The following OTUD7A variants were observed in gnomAD, a reference collection of about 807,000 sequenced individuals.
OTUD7A encodes the protein OTU domain-containing protein 7A.
In OTUD7A, 12 loss-of-function variants were observed where a neutral mutation model predicts 65.7. The observed-to-expected ratio is 0.18, with a 90% confidence interval of 0.12 to 0.30. The LOEUF (loss-of-function observed/expected upper bound fraction) is 0.30. Among genes scored for constraint, OTUD7A ranks in the 10% least tolerant of loss-of-function variants. The pLI is 1.00. For synonymous variants in OTUD7A, 641 were observed against 586.3 expected (o/e 1.09, Z -1.35); for missense variants, 1,148 against 1,304.8 (o/e 0.88, Z 1.85).
At chr15:31,604,555 G>GCACATTCTT (rs1176798235) in intron 3 of OTUD7A, among the ~76,000 whole-genome samples, 1 of 94,348 alleles carries the variant, frequency 1.1e-5, no homozygotes, top group Non-Finnish European at 2.3e-5. Context: ...TAACACAACT[G>GCACATTCTT]CACATTCTGC....
chr15:31,658,690 G>C (rs1566963947), intron 1 of OTUD7A, among the ~76,000 whole-genome samples: 5 of 152,096 alleles, frequency 3.3e-5, no homozygotes, highest in Non-Finnish European at 7.4e-5. Flanking sequence ...AGACAGAGGT[G>C]TAGCAGGATA....
At chr15:31,506,086 A>C (rs2041560342) in intron 8 of OTUD7A, among the ~76,000 whole-genome samples, 1 of 152,082 alleles carries the variant, frequency 6.6e-6, no homozygotes, top group South Asian at 2.1e-4. Context: ...ATTTTAGAAA[A>C]AGGGTTATTT....
At chr15:31,773,585 T>C (rs867162687) in intron 1 of OTUD7A, among the ~76,000 whole-genome samples, 2 of 152,320 alleles carry the variant, frequency 1.3e-5, no homozygotes, top group Middle Eastern at 3.4e-3. Context: ...GATTTCAACA[T>C]ATGAATTTGG....
At chr15:31,623,008 T>C (rs767009316) in intron 3 of OTUD7A, among the ~76,000 whole-genome samples, 6 of 152,242 alleles carry the variant, frequency 3.9e-5, no homozygotes, top group Non-Finnish European at 7.3e-5. Context: ...TGCAGGTCTG[T>C]TGGAGTTTGC....
intron 3 of OTUD7A, among the ~76,000 whole-genome samples, chr15:31,580,926 C>G (rs921272765): frequency 1.3e-5 from 2 of 152,196 alleles, no homozygotes; most frequent in Non-Finnish European, 2.9e-5. Context: ...CCCTTCCCAA[C>G]AGTCCCCCAA....
intron 3 of OTUD7A, among the ~76,000 whole-genome samples, chr15:31,648,202 A>G (rs568256270): frequency 1.3e-5 from 2 of 152,224 alleles, no homozygotes; most frequent in Non-Finnish European, 2.9e-5. Context: ...GCCCCCAAGC[A>G]TGGAAATAAA....
intron 5 of OTUD7A, among the ~76,000 whole-genome samples, chr15:31,541,301 A>G (rs1887980279): frequency 6.6e-6 from 1 of 152,254 alleles, no homozygotes; most frequent in Non-Finnish European, 1.5e-5. Flanking sequence ...CTAATGAACC[A>G]AAGAAAGCAA....
At chr15:31,800,820 G>A (rs1896102267) in intron 1 of OTUD7A, among the ~76,000 whole-genome samples, 1 of 152,098 alleles carries the variant, frequency 6.6e-6, no homozygotes, top group Non-Finnish European at 1.5e-5. Flanking sequence ...GTGGATGGCT[G>A]TGTGCTTTGC....
chr15:31,688,214 C>A (rs372830497), intron 1 of OTUD7A, among the ~76,000 whole-genome samples: 194 of 134,208 alleles, frequency 1.4e-3, no homozygotes, highest in Middle Eastern at 3.9e-3. Context: ...GACTCCATCT[C>A]AAAAAAAAAA....
intron 1 of OTUD7A, among the ~76,000 whole-genome samples, chr15:31,777,304 C>T (rs1280888489): frequency 1.3e-5 from 2 of 152,218 alleles, no homozygotes; most frequent in South Asian, 2.1e-4. Context: ...ACTTCCCAAT[C>T]CCATCACCTT....
intron 1 of OTUD7A, among the ~76,000 whole-genome samples, chr15:31,845,243 G>A (rs1046324613): frequency 9.9e-5 from 15 of 152,186 alleles, no homozygotes; most frequent in African/African-American, 3.6e-4. Context: ...ACATAAACCT[G>A]TTTCCCTCAT....
At chr15:31,703,698 C>T (rs1431267399) in intron 1 of OTUD7A, among the ~76,000 whole-genome samples, 1 of 151,518 alleles carries the variant, frequency 6.6e-6, no homozygotes, top group African/African-American at 2.4e-5. Flanking sequence ...TGCAACCCAG[C>T]AACTGGATTC....
rs59869625 is a variant in OTUD7A at position 31,860,622 on chromosome 15, G to GATAAATATAT, written c.-100+9884_-100+9885insATATATTTAT. The stretch of plus-strand genomic sequence containing the variant: ...TATTCTCCTCGACCCCAGAAGTGGA[G>GATAAATATAT]ATATATATATATATATATATATGTA... On this transcript the variant is annotated intron_variant, in intron 1 of 12. Transcript: ENST00000307050. Among the ~76,000 whole-genome samples the GATAAATATAT allele has an allele frequency of 4.2e-3, 113 of 26,860 alleles. 8 individuals carry two copies. Among genetic ancestry groups the GATAAATATAT allele is most frequent in the African/African-American group, 7.5e-3 (90 of 12,032 alleles). 17.6% of individuals were successfully genotyped at this position (26,860 alleles called of 152,430 possible).
chr15:31,618,437 T>C (rs369788219), intron 3 of OTUD7A, among the ~76,000 whole-genome samples: 6 of 152,194 alleles, frequency 3.9e-5, no homozygotes, highest in African/African-American at 9.7e-5. Flanking sequence ...CTCTCCAGCA[T>C]CTGTTGTTTC....
At chr15:31,552,519 T>G (rs568841801) in intron 5 of OTUD7A, among the ~76,000 whole-genome samples, 2 of 152,366 alleles carry the variant, frequency 1.3e-5, no homozygotes, top group African/African-American at 4.8e-5. Context: ...ATGCTGAGTA[T>G]GCATCCAGCC....
intron 1 of OTUD7A, among the ~76,000 whole-genome samples, chr15:31,742,580 A>G (rs1455733035): frequency 6.6e-6 from 1 of 152,142 alleles, no homozygotes; most frequent in Non-Finnish European, 1.5e-5. Context: ...TACCACAGAA[A>G]AATAGAACTA....
chr15:31,649,916 G>A (rs1307874908), intron 3 of OTUD7A: 1 of 209,782 alleles, frequency 4.8e-6, no homozygotes, highest in Non-Finnish European at 1.1e-5. Context: ...CCCCAGTGTG[G>A]AGTCAATGCA....
intron 5 of OTUD7A, among the ~76,000 whole-genome samples, chr15:31,549,370 A>C (rs1410740713): frequency 1.3e-5 from 2 of 152,308 alleles, no homozygotes; most frequent in East Asian, 1.9e-4. Context: ...GGCAGGCAGA[A>C]TTCTAAAGTG....
At chr15:31,851,843 G>C (rs1466998706) in intron 1 of OTUD7A, among the ~76,000 whole-genome samples, 1 of 152,096 alleles carries the variant, frequency 6.6e-6, no homozygotes, top group Non-Finnish European at 1.5e-5. Context: ...GCCATTTTGT[G>C]TTTTGTTTGT....
Sources: allele counts gnomAD v4.1 joint callset (sites outside exome capture counted in the v4.1 genomes callset), GRCh38; gene constraint gnomAD v4.1.1; transcripts MANE v1.5; gene names NCBI Gene and HGNC (gene_info 2026-07-23, HGNC 2026-07-21).